SLC1A7: variants seen among roughly 807,000 people sequenced by gnomAD.
The protein encoded by SLC1A7 is excitatory amino acid transporter 5.
In SLC1A7, 40 loss-of-function variants were observed where a neutral mutation model predicts 47.7. The ratio of observed to expected loss-of-function variants is 0.84; its 90% CI spans 0.65 to 1.09. SLC1A7 has a LOEUF of 1.09. SLC1A7 is among the 50% of genes least tolerant of loss of function. The pLI, the probability that SLC1A7 is intolerant of heterozygous loss-of-function variation, is 0.00. For synonymous variants in SLC1A7, 323 were observed against 325.6 expected, an observed-to-expected ratio of 0.99 and a Z score of 0.09; for missense variants, 746 against 769.5, an observed-to-expected ratio of 0.97 and a Z score of 0.36.
chr1:53,137,736 T>A (rs1246088624), intron 1 of SLC1A7, among the ~76,000 whole-genome samples: 1 of 152,196 alleles, frequency 6.6e-6, no homozygotes, highest in South Asian at 2.1e-4. Flanking sequence ...CTAAACTACC[T>A]AACAATAGTA....
At chr1:53,118,631 T>C (rs930631796) in intron 2 of SLC1A7, 1 of 152,384 alleles carries the variant, frequency 6.6e-6, no homozygotes, top group East Asian at 1.9e-4. Context: ...ATTAGTTTTT[T>C]GGTGAAATTA....
In SLC1A7 at chr1:53,139,107, C is replaced by T. The variant is rs75377930; in HGVS notation, c.135+3208G>A. Among the ~76,000 whole-genome samples, 600 of 152,256 alleles carry T rather than the reference C, an allele frequency of 3.9e-3. 1 individual carries two copies. Among genetic ancestry groups the T allele is most frequent in the Non-Finnish European group, 7.0e-3 (473 of 68,018 alleles). On this transcript the variant is annotated intron_variant, in intron 1 of 10. Transcript: ENST00000371494. ...ATTTCTGGTGGCGTGGCTTTCTGCTCGTATGTAAGTTTGAAGCGCTAAACT... is the reference window on the plus strand; with the variant it reads ...ATTTCTGGTGGCGTGGCTTTCTGCTTGTATGTAAGTTTGAAGCGCTAAACT...
intron 5 of SLC1A7, among the ~76,000 whole-genome samples, chr1:53,099,414 ACGCTC>A (rs1644544020): frequency 6.8e-6 from 1 of 148,136 alleles, no homozygotes; most frequent in Non-Finnish European, 1.5e-5. Flanking sequence ...CCACCTCAGT[ACGCTC>A]ACACAGCCCG....
At chr1:53,115,734 G>C (rs1179382102) in intron 2 of SLC1A7, 1 of 152,310 alleles carries the variant, frequency 6.6e-6, no homozygotes, top group Non-Finnish European at 1.5e-5. Context: ...TTTGTGCCTG[G>C]GCCCAGGCTC....
intron 3 of SLC1A7, among the ~76,000 whole-genome samples, chr1:53,113,469 A>G (rs1644721151): frequency 1.3e-5 from 2 of 152,086 alleles, no homozygotes; most frequent in Non-Finnish European, 2.9e-5. Flanking sequence ...TGACCACACC[A>G]CCATCCACTT....
intron 3 of SLC1A7, among the ~76,000 whole-genome samples, chr1:53,110,508 C>T (rs529204220): frequency 6.6e-6 from 1 of 152,210 alleles, no homozygotes; most frequent in Admixed American, 6.5e-5. Context: ...TGAAAAGCAA[C>T]CCAAGAGCAG....
intron 2 of SLC1A7, chr1:53,115,357 A>G: frequency 4.2e-6 from 1 of 235,688 alleles, no homozygotes; most frequent in Non-Finnish European, 8.5e-6. Flanking sequence ...CACTCTCCTG[A>G]CCCCTGCCCA....
At chr1:53,090,479 G>A (rs1644407653) in intron 8 of SLC1A7, 133 bp downstream of exon 8, 1 of 1,360,230 alleles carries the variant, frequency 7.4e-7, no homozygotes, top group Non-Finnish European at 9.7e-7. Context: ...GGAGCTCCCA[G>A]CCCTGGCCCT....
rs531883404 is a variant in SLC1A7 at position 53,129,276 on chromosome 1, C to T, written c.215+5074G>A. Among the ~76,000 whole-genome samples the T allele has an allele frequency of 3.3e-3, 316 of 94,618 alleles. 46 individuals carry two copies. The highest frequency in any genetic ancestry group is 0.011 in the African/African-American group (291 of 25,938). 62.1% of individuals were successfully genotyped at this position (94,618 alleles called of 152,430 possible). A position where few individuals can be genotyped will look rare whatever the true frequency, so the allele number is the denominator to read the frequency against. ...CACGTACATTCTCTTACTTACTTTT[C>T]GTAATAACCTCGTGAAGGAGGTATT... is the stretch of plus-strand genomic sequence containing the variant. On this transcript the variant is annotated intron_variant, in intron 2 of 10. Coordinates refer to ENST00000371494, the MANE Select transcript of SLC1A7 (RefSeq NM_006671.6).
At chr1:53,114,724 C>T (rs3737988) in intron 3 of SLC1A7, 34 bp downstream of exon 3, 13 of 1,590,312 alleles carry the variant, frequency 8.2e-6, no homozygotes, top group East Asian at 2.2e-5. Context: ...TCGGGCCTGG[C>T]GTTCCCAAGC....
intron 4 of SLC1A7, among the ~76,000 whole-genome samples, chr1:53,103,988 A>G (rs561391761): frequency 6.6e-6 from 1 of 152,234 alleles, no homozygotes; most frequent in Non-Finnish European, 1.5e-5. Context: ...TTCTTTTTGA[A>G]GAAGCATAGC....
At chr1:53,138,251 C>A (rs1348863193) in intron 1 of SLC1A7, among the ~76,000 whole-genome samples, 2 of 152,130 alleles carry the variant, frequency 1.3e-5, no homozygotes, top group Non-Finnish European at 2.9e-5. Flanking sequence ...TTTATCTCCA[C>A]TTTTTGGTAA....
intron 2 of SLC1A7, among the ~76,000 whole-genome samples, chr1:53,117,013 C>G (rs1644769713): frequency 6.6e-6 from 1 of 152,194 alleles, no homozygotes; most frequent in Non-Finnish European, 1.5e-5. Flanking sequence ...AGCATCAGAA[C>G]CGCAAGGGAA....
At chr1:53,110,886 A>G (rs2150330242) in intron 3 of SLC1A7, among the ~76,000 whole-genome samples, 1 of 152,036 alleles carries the variant, frequency 6.6e-6, no homozygotes, top group Non-Finnish European at 1.5e-5. Flanking sequence ...TTCTCCCTGG[A>G]CCATTCCAGT....
intron 3 of SLC1A7, among the ~76,000 whole-genome samples, chr1:53,112,339 C>T (rs1451324445): frequency 6.6e-6 from 1 of 152,232 alleles, no homozygotes; most frequent in East Asian, 1.9e-4. Flanking sequence ...TCCCCTAGAC[C>T]AACTGTTCCC....
intron 1 of SLC1A7, among the ~76,000 whole-genome samples, chr1:53,139,877 C>T (rs1044972136): frequency 6.6e-6 from 1 of 152,066 alleles, no homozygotes; most frequent in African/African-American, 2.4e-5. Context: ...AATGGATACA[C>T]CTGTGATTCA....
In SLC1A7 at chr1:53,090,812, GT is replaced by G. The variant is rs1644413167; in HGVS notation, c.1032-7del. 1.2e-6 allele frequency: 2 copies of G among 1,606,978 alleles called. No individual in the cohort carries two copies. The highest frequency in any genetic ancestry group is 1.7e-5 in the Admixed American group (1 of 58,952). On this transcript the variant is annotated splice_region_variant and splice_polypyrimidine_tract_variant and intron_variant, in intron 7 of 10. Transcript: ENST00000371494. ...TGATGGGCAGTGTGGCTGAGCTACG[GT>G]TAGAGGGGCCGGTGTCTGCCCAGCA...
intron 7 of SLC1A7, among the ~76,000 whole-genome samples, chr1:53,092,155 C>A (rs1015111389): frequency 6.6e-6 from 1 of 152,260 alleles, no homozygotes; most frequent in Non-Finnish European, 1.5e-5. Context: ...GGGCACCCAG[C>A]CAGGACATCC....
intron 1 of SLC1A7, among the ~76,000 whole-genome samples, chr1:53,139,134 C>T (rs1319160477): frequency 6.6e-6 from 1 of 152,204 alleles, no homozygotes; most frequent in Non-Finnish European, 1.5e-5. Context: ...CGCTAAACTT[C>T]TGCATGTATG....
Sources: gnomAD v4.1 joint callset for allele counts (sites outside exome capture counted in the v4.1 genomes callset) on GRCh38, gnomAD v4.1.1 for gene constraint, MANE v1.5 for transcripts, NCBI Gene and HGNC (gene_info 2026-07-23, HGNC 2026-07-21) for gene names.